STAMBPL1: variants seen among roughly 807,000 people sequenced by gnomAD.
STAMBPL1 encodes the protein AMSH-like protease.
In STAMBPL1, 44 loss-of-function variants were observed where a neutral mutation model predicts 52.9. The ratio of observed to expected loss-of-function variants is 0.83; its 90% confidence interval spans 0.65 to 1.07. The LOEUF is 1.07. STAMBPL1 is among the 50% of genes least tolerant of loss of function. The pLI is 0.00. For synonymous variants in STAMBPL1, 164 were observed against 177.3 expected, an observed-to-expected ratio of 0.92 and a Z score of 0.60; for missense variants, 511 against 520.8, an observed-to-expected ratio of 0.98 and a Z score of 0.18.
At position 88,887,696 on chromosome 10, in the gene STAMBPL1, T is replaced by G. The variant is rs189604152; in HGVS notation, c.-54+7058T>G. Among the ~76,000 whole-genome samples, 8 of 152,268 alleles carry G rather than the reference T, an allele frequency of 5.3e-5. No individual in the cohort carries two copies. In the East Asian group the frequency reaches 1.4e-3, roughly 26 times the overall value. On this transcript the variant is annotated intron_variant, in intron 1 of 10. Transcript: ENST00000371926. ...GCCACACCTAGCTATTTTTAATTTT[T>G]TTTTTGGTAGAGACGAGGTTTCACC...
At chr10:88,903,299 G>A (rs1234225999) in intron 2 of STAMBPL1, among the ~76,000 whole-genome samples, 1 of 150,468 alleles carries the variant, frequency 6.6e-6, no homozygotes, top group Non-Finnish European at 1.5e-5. Flanking sequence ...TTCATTTTCA[G>A]GGAAAAAAAA....
intron 1 of STAMBPL1, among the ~76,000 whole-genome samples, chr10:88,884,997 C>G (rs964171426): frequency 1.3e-5 from 2 of 152,150 alleles, no homozygotes; most frequent in African/African-American, 4.8e-5. Context: ...ATGTCTGGCA[C>G]AAAATTAAGT....
chr10:88,913,310 T>G lies in STAMBPL1; in HGVS notation c.630T>G (p.Ala210=). The G allele has an allele frequency of 6.2e-7, 1 of 1,613,920 alleles. No homozygotes were observed. The highest frequency in any genetic ancestry group is 8.5e-7 in the Non-Finnish European group (1 of 1,179,850). The change falls in exon 6 of 11, where the codon GCT becomes GCG. Residue 210 remains alanine, a synonymous_variant. Transcript: ENST00000371926. ...SGLSEQIDGS[A]LSCFSTHQNN... ...TGTCAGAGCAGATTGATGGGAGCGC[T>G]TTGTCCTGCTTTTCCACACACCAGA...
chr10:88,914,157 G>T (rs1845307918), intron 6 of STAMBPL1, among the ~76,000 whole-genome samples: 1 of 152,160 alleles, frequency 6.6e-6, no homozygotes. Context: ...CATGAAGATA[G>T]AAGTAACATG....
chr10:88,892,777 T>G (rs1245092008), intron 1 of STAMBPL1, among the ~76,000 whole-genome samples: 1 of 152,206 alleles, frequency 6.6e-6, no homozygotes, highest in Admixed American at 6.5e-5. Flanking sequence ...GATGGCCCTC[T>G]TTTGCTTTTG....
intron 10 of STAMBPL1, 26 bp from the exon 11 acceptor site, chr10:88,923,141 TG>T (rs746933830): frequency 6.4e-7 from 1 of 1,552,640 alleles, no homozygotes; most frequent in Non-Finnish European, 8.8e-7. Context: ...ATCAAACATA[TG>T]GTAAAACCAA....
At chr10:88,915,429 T>G (rs1260385154) in intron 7 of STAMBPL1, among the ~76,000 whole-genome samples, 7 of 152,218 alleles carry the variant, frequency 4.6e-5, no homozygotes, top group African/African-American at 1.7e-4. Flanking sequence ...TTGTCATCAC[T>G]TTCCCTCCAA....
At chr10:88,913,639 A>T (rs1277645370) in intron 6 of STAMBPL1, among the ~76,000 whole-genome samples, 181 bp downstream of exon 6, 1 of 152,202 alleles carries the variant, frequency 6.6e-6, no homozygotes, top group African/African-American at 2.4e-5. Context: ...ATATAATCTT[A>T]AAATTCAGGA....
chr10:88,883,724 C>T (rs1280002648), intron 1 of STAMBPL1, among the ~76,000 whole-genome samples: 1 of 152,134 alleles, frequency 6.6e-6, no homozygotes, highest in Non-Finnish European at 1.5e-5. Context: ...ATGTGGTTGG[C>T]TTAGAGACAT....
At chr10:88,919,696 A>G (rs956909334) in intron 8 of STAMBPL1, among the ~76,000 whole-genome samples, 2 of 152,140 alleles carry the variant, frequency 1.3e-5, no homozygotes, top group African/African-American at 2.4e-5. Flanking sequence ...TGCATTTTAA[A>G]AGTTAGGATA....
chr10:88,891,733 C>CT (rs1589353389), intron 1 of STAMBPL1, among the ~76,000 whole-genome samples: 1 of 152,154 alleles, frequency 6.6e-6, no homozygotes, highest in African/African-American at 2.4e-5. Context: ...TCACCACAAT[C>CT]TTTATTAGAT....
Position 88,901,694 on chromosome 10 carries a change from C to T in STAMBPL1, c.-15C>T, listed in dbSNP as rs745841698. On this transcript the variant is annotated 5_prime_UTR_variant, in exon 2 of 11. Coordinates refer to ENST00000371926, the MANE Select transcript of STAMBPL1 (RefSeq NM_020799.4). ...GAAGAAACAGTGAACATCCTCATTTCACAGATAAGACAACATGGATCAGCC... is the reference window on the plus strand; with the variant it reads ...GAAGAAACAGTGAACATCCTCATTTTACAGATAAGACAACATGGATCAGCC... 2 of 1,608,272 alleles carry T rather than the reference C, an allele frequency of 1.2e-6. No individual in the cohort carries two copies. The highest frequency in any genetic ancestry group is 3.4e-5 in the Admixed American group (2 of 58,982).
chr10:88,918,765 T>A (rs992867127), intron 8 of STAMBPL1, among the ~76,000 whole-genome samples: 9 of 152,202 alleles, frequency 5.9e-5, no homozygotes, highest in African/African-American at 2.2e-4. Context: ...CTAGCAAGAA[T>A]GACAGTCCAT....
At chr10:88,889,388 A>C (rs1844621477) in intron 1 of STAMBPL1, among the ~76,000 whole-genome samples, 1 of 152,158 alleles carries the variant, frequency 6.6e-6, no homozygotes, top group South Asian at 2.1e-4. Context: ...CCTGGCTTAA[A>C]TTCAGTTTCT....
In STAMBPL1 at chr10:88,901,675, A is replaced by G. The variant is rs1350526102; in HGVS notation, c.-34A>G. The G allele has an allele frequency of 1.2e-6, 2 of 1,602,388 alleles. No homozygotes were observed. Among genetic ancestry groups the G allele is most frequent in the Non-Finnish European group, 1.7e-6 (2 of 1,175,572 alleles). On this transcript the variant is annotated 5_prime_UTR_variant, in exon 2 of 11. Coordinates refer to ENST00000371926, the MANE Select transcript of STAMBPL1 (RefSeq NM_020799.4). ...AAACAGATGAAGTGATTGAGAAGAA[A>G]CAGTGAACATCCTCATTTCACAGAT...
intron 1 of STAMBPL1, among the ~76,000 whole-genome samples, chr10:88,895,520 A>ACC (rs1469230215): frequency 1.3e-5 from 2 of 152,230 alleles, no homozygotes; most frequent in African/African-American, 4.8e-5. Context: ...AGCAGAGGTC[A>ACC]TTAACCTCAC....
intron 5 of STAMBPL1, 29 bp from the exon 6 acceptor site, chr10:88,913,071 AC>A: frequency 6.5e-7 from 1 of 1,528,948 alleles, no homozygotes; most frequent in Non-Finnish European, 8.8e-7. Flanking sequence ...TTGGAAACTA[AC>A]CTTCTCTTCT....
chr10:88,912,519 A>G (rs1845252263), intron 5 of STAMBPL1: 1 of 152,156 alleles, frequency 6.6e-6, no homozygotes, highest in Admixed American at 6.5e-5. Context: ...CCAGCAGAGT[A>G]TGAGTTCTAG....
rs548364863 is a variant in STAMBPL1, at chr10:88,905,526, T to C, written c.114T>C (p.Cys38=). ...TCCGTGCCCTAAGCAAGCTTGGTTG[T>C]AATATCACCATCAGTGAAGACATCA... The part of the protein sequence containing the change: ...ERVRALSKLG[C]NITISEDITP... Residue 38 remains cysteine, a synonymous_variant, in exon 3 of 11, where the codon TGT becomes TGC. Coordinates refer to ENST00000371926, the MANE Select transcript of STAMBPL1 (RefSeq NM_020799.4). 19 of 1,614,138 alleles carry C rather than the reference T, an allele frequency of 1.2e-5. No individual in the cohort carries two copies. In the African/African-American group the frequency reaches 1.2e-4, roughly 10 times the overall value.
Sources: gnomAD v4.1 joint callset for allele counts (sites outside exome capture counted in the v4.1 genomes callset) on GRCh38, gnomAD v4.1.1 for gene constraint, MANE v1.5 for transcripts, NCBI Gene and HGNC (gene_info 2026-07-23, HGNC 2026-07-21) for gene names.